Variants in ERI3 observed in about 807,000 individuals in gnomAD.
ERI3 encodes the protein ERI1 exoribonuclease 3.
A neutral mutation model predicts 44.4 loss-of-function variants in ERI3; 18 were observed. That is an observed-to-expected ratio of 0.41 (90% CI 0.28 to 0.60). The LOEUF is 0.60. Ranked by LOEUF, ERI3 falls within the 20% of genes least tolerant of loss-of-function variation. The pLI is 0.36. For synonymous variants in ERI3, 183 were observed against 164.8 expected (o/e 1.11, Z -0.84); for missense variants, 294 against 435.5 (o/e 0.68, Z 2.89).
chr1:44,298,732 T>G (rs1645661898), intron 6 of ERI3, among the ~76,000 whole-genome samples: 2 of 152,014 alleles, frequency 1.3e-5, no homozygotes, highest in South Asian at 4.1e-4. Flanking sequence ...CTGGGCTACA[T>G]GGCAAAACCC....
chr1:44,258,233 T>C (rs551436210), intron 7 of ERI3, among the ~76,000 whole-genome samples: 5 of 152,220 alleles, frequency 3.3e-5, no homozygotes, highest in African/African-American at 4.8e-5. Context: ...TCCTTTTTCC[T>C]AATAAAAAGG....
At chr1:44,282,346 G>A (rs778802351) in intron 7 of ERI3, among the ~76,000 whole-genome samples, 1 of 152,098 alleles carries the variant, frequency 6.6e-6, no homozygotes, top group African/African-American at 2.4e-5. Context: ...AGCAGAGGAG[G>A]AAGAGAGAAG....
intron 7 of ERI3, among the ~76,000 whole-genome samples, chr1:44,256,332 G>C (rs141196333): frequency 1.3e-3 from 199 of 152,274 alleles, no homozygotes; most frequent in Middle Eastern, 3.4e-3. Context: ...AAGGAAGAGG[G>C]AACTGTTGCT....
At chr1:44,264,150 G>A (rs946433097) in intron 7 of ERI3, among the ~76,000 whole-genome samples, 1 of 152,164 alleles carries the variant, frequency 6.6e-6, no homozygotes, top group African/African-American at 2.4e-5. Context: ...TCTTCGGTGC[G>A]ACTGCTCAGC....
At chr1:44,272,892 T>C (rs1407329087) in intron 7 of ERI3, among the ~76,000 whole-genome samples, 2 of 145,592 alleles carry the variant, frequency 1.4e-5, no homozygotes, top group Non-Finnish European at 3.0e-5. Flanking sequence ...AAACTACAAA[T>C]CCACGTTAAA....
intron 4 of ERI3, among the ~76,000 whole-genome samples, chr1:44,317,141 C>T (rs1024853699): frequency 6.0e-5 from 6 of 100,692 alleles, no homozygotes; most frequent in Non-Finnish European, 8.1e-5. Flanking sequence ...TACGCATGTG[C>T]GTGCACACAC....
intron 2 of ERI3, among the ~76,000 whole-genome samples, chr1:44,344,241 A>C (rs1363939396): frequency 1.4e-5 from 1 of 72,728 alleles, no homozygotes; most frequent in South Asian, 4.0e-4. Flanking sequence ...CTCAATAAAT[A>C]AATAAATAAA....
intron 4 of ERI3, among the ~76,000 whole-genome samples, chr1:44,319,384 G>A (rs1394970210): frequency 2.6e-5 from 4 of 152,326 alleles, no homozygotes; most frequent in African/African-American, 4.8e-5. Context: ...TCCAAGTGCC[G>A]GTCACCAGGA....
intron 6 of ERI3, among the ~76,000 whole-genome samples, chr1:44,293,504 G>A (rs1645550030): frequency 6.6e-6 from 1 of 152,192 alleles, no homozygotes; most frequent in African/African-American, 2.4e-5. Flanking sequence ...TCACAGTGAG[G>A]CCCCACGGCA....
chr1:44,266,770 C>G (rs1467861975), intron 7 of ERI3, among the ~76,000 whole-genome samples: 1 of 152,262 alleles, frequency 6.6e-6, no homozygotes, highest in Non-Finnish European at 1.5e-5. Flanking sequence ...AACCTTGGCA[C>G]TCTGGTTATA....
chr1:44,266,800 G>T (rs1255265913), intron 7 of ERI3, among the ~76,000 whole-genome samples: 1 of 152,166 alleles, frequency 6.6e-6, no homozygotes, highest in African/African-American at 2.4e-5. Context: ...CTCTTCAAGG[G>T]GAGGGTCCCC....
At chr1:44,254,601 G>A (rs1447063979) in intron 7 of ERI3, among the ~76,000 whole-genome samples, 1 of 152,102 alleles carries the variant, frequency 6.6e-6, no homozygotes, top group African/African-American at 2.4e-5. Context: ...GCCAGAAAAA[G>A]TCATTCTTAT....
chr1:44,303,706 G>A (rs1467664798), intron 6 of ERI3, among the ~76,000 whole-genome samples: 1 of 152,072 alleles, frequency 6.6e-6, no homozygotes, highest in Non-Finnish European at 1.5e-5. Context: ...TGAGAAGTGA[G>A]GCTAAAGATG....
rs983596312 is a variant in ERI3, at chr1:44,252,999, A to G, written c.832-4961T>C. On this transcript the variant is annotated intron_variant, in intron 7 of 8. Transcript: ENST00000372257. This position sits in a 1 kb window ranked among gnomAD's most constrained non-coding sequence, Gnocchi z 4.7. ...TGGATGACTTGTCACCCTGCAGGTG[A>G]TTGCTCAAGACTAGGAGCCAAATCA... 6.6e-6 allele frequency among the ~76,000 whole-genome samples: 1 copy of G among 152,200 alleles called. No homozygotes were observed. The highest frequency in any genetic ancestry group is 1.5e-5 in the Non-Finnish European group (1 of 68,038).
At chr1:44,313,990 A>G (rs910541494) in intron 4 of ERI3, among the ~76,000 whole-genome samples, 2 of 152,116 alleles carry the variant, frequency 1.3e-5, no homozygotes, top group African/African-American at 4.8e-5. Flanking sequence ...TAAAGTAAAA[A>G]AAAAAAAAGA....
chr1:44,284,873 C>T lies in ERI3; in HGVS notation c.793G>A (p.Val265Met). 6.2e-7 allele frequency: 1 copy of T among 1,614,142 alleles called. No individual in the cohort carries two copies. The highest frequency in any genetic ancestry group is 8.5e-7 in the Non-Finnish European group (1 of 1,180,020). Residue 265 changes from valine to methionine, a missense_variant, in exon 7 of 9, where the codon GTG becomes ATG. Physicochemically the swap from Val to Met is conservative, Grantham distance 21. This residue lies in a region of ERI3 where 187 missense variants were observed against 338.6 expected (regional missense o/e 0.55). Transcript: ENST00000372257. ...PGQCQYLGLP[V>M]ADYFKQWINL... ...ATCCACTGCTTGAAGTAATCCGCCA[C>T]TGGCAAGCCCAAGTACTGGCACTGG...
intron 7 of ERI3, among the ~76,000 whole-genome samples, chr1:44,263,168 T>C (rs1397484628): frequency 6.6e-6 from 1 of 152,208 alleles, no homozygotes; most frequent in Non-Finnish European, 1.5e-5. Flanking sequence ...TCTCACACTT[T>C]TTTCTATTTC....
At chr1:44,324,052 TG>T (rs796340792) in intron 3 of ERI3, among the ~76,000 whole-genome samples, 21 of 152,312 alleles carry the variant, frequency 1.4e-4, no homozygotes, top group African/African-American at 5.1e-4. Context: ...CCACCATGGC[TG>T]CAGTAACACA....
chr1:44,333,591 A>AGGGCGGGGAGGCAGCACGTGGGGTT (rs1646474358), intron 3 of ERI3, among the ~76,000 whole-genome samples: 1 of 152,222 alleles, frequency 6.6e-6, no homozygotes, highest in South Asian at 2.1e-4. Context: ...TGTGTTGGGC[A>AGGGCGGGGAGGCAGCACGTGGGGTT]GGGCGGGGAG....
Sources: allele counts gnomAD v4.1 joint callset (sites outside exome capture counted in the v4.1 genomes callset), GRCh38; gene constraint gnomAD v4.1.1; regional missense constraint gnomAD v4.1.1; non-coding constraint Gnocchi (gnomAD v3.1); transcripts MANE v1.5; gene names NCBI Gene and HGNC (gene_info 2026-07-23, HGNC 2026-07-21).